The following GYG1 variants were observed in gnomAD, a reference collection of about 807,000 sequenced individuals.
GYG1 encodes glycogenin 1, also known as glycogenin-1.
A neutral mutation model predicts 41.9 loss-of-function variants in GYG1; 44 were observed. That is an observed-to-expected ratio of 1.05 (90% confidence interval 0.83 to 1.35). The LOEUF is 1.35. GYG1 is among the 40% of genes most tolerant of loss of function. The pLI, the probability that GYG1 is intolerant of heterozygous loss-of-function variation, is 0.00. For synonymous variants in GYG1, 141 were observed against 158.1 expected, an observed-to-expected ratio of 0.89 and a Z score of 0.81; for missense variants, 429 against 418.9, an observed-to-expected ratio of 1.02 and a Z score of -0.21.
chr3:149,017,484 G>A (rs934293386), intron 5 of GYG1, among the ~76,000 whole-genome samples: 1 of 150,708 alleles, frequency 6.6e-6, no homozygotes, highest in African/African-American at 2.4e-5. Context: ...CTTACTCTGG[G>A]TTGAGGTCAG....
chr3:149,013,835 G>A (rs1324601182), intron 5 of GYG1, among the ~76,000 whole-genome samples: 1 of 152,164 alleles, frequency 6.6e-6, no homozygotes, highest in Non-Finnish European at 1.5e-5. Flanking sequence ...ATTGTTATTG[G>A]AAGCCGTAGT....
chr3:148,996,455 A>G lies in GYG1; in HGVS notation c.297A>G (p.Val99=). Residue 99 remains valine (V), a synonymous_variant, in exon 3 of 8, where the codon GTA becomes GTG. Coordinates refer to ENST00000345003, the MANE Select transcript of GYG1 (RefSeq NM_004130.4). ...CGCTTACACAGTATTCAAAATGTGT[A>G]TTCATGGATGCAGATACTCTGGTGA... ...CWSLTQYSKC[V]FMDADTLVLA... 1 of 1,613,996 alleles carries G rather than the reference A, an allele frequency of 6.2e-7. No homozygotes were observed. The highest frequency in any genetic ancestry group is 8.5e-7 in the Non-Finnish European group (1 of 1,179,892).
At chr3:149,025,759 A>G (rs193195915) in intron 6 of GYG1, among the ~76,000 whole-genome samples, 16 of 152,312 alleles carry the variant, frequency 1.1e-4, no homozygotes, top group Middle Eastern at 3.4e-3. Context: ...GAGATGGACT[A>G]TGCTTAAAAG....
chr3:148,991,749 A>G, intron 1 of GYG1, 102 bp downstream of exon 1: 1 of 985,468 alleles, frequency 1.0e-6, no homozygotes, highest in Non-Finnish European at 1.5e-6. Context: ...TGTTCCCGGC[A>G]GGACGAAACC....
chr3:149,008,959 TCCAG>T (rs1227567715), intron 4 of GYG1: 2 of 288,216 alleles, frequency 6.9e-6, no homozygotes, highest in Admixed American at 9.8e-5. Flanking sequence ...GGGGTTCGAG[TCCAG>T]CCTGGCCAAC....
intron 3 of GYG1, 91 bp from the exon 4 acceptor site, chr3:148,996,651 C>G: frequency 7.5e-7 from 1 of 1,332,952 alleles, no homozygotes; most frequent in Non-Finnish European, 1.1e-6. Context: ...CAGCTGTCAC[C>G]ATCTTTTGTG....
chr3:149,009,448 G>T (rs770546452), intron 5 of GYG1, 46 bp downstream of exon 5: 12 of 1,595,232 alleles, frequency 7.5e-6, no homozygotes, highest in Non-Finnish European at 1.0e-5. Context: ...TGAGGGCAGA[G>T]AATTGGGGTG....
intron 5 of GYG1, among the ~76,000 whole-genome samples, chr3:149,016,269 A>C (rs1450869953): frequency 3.4e-4 from 52 of 151,026 alleles, no homozygotes; most frequent in African/African-American, 1.2e-3. Context: ...TCAAAAAAAA[A>C]AAAAAAACAA....
intron 5 of GYG1, among the ~76,000 whole-genome samples, chr3:149,018,648 C>T (rs901734181): frequency 1.3e-5 from 2 of 152,160 alleles, no homozygotes; most frequent in African/African-American, 4.8e-5. Context: ...TGGTCTAAAC[C>T]TTCCGTGTTC....
Position 148,997,054 on chromosome 3 carries a change from TTGTGTGTGTGTGTG to T in GYG1, c.481+166_481+179del, listed in dbSNP as rs10571382. 595 of 606,854 alleles carry T rather than the reference TTGTGTGTGTGTGTG, an allele frequency of 9.8e-4. 7 individuals are homozygous for T. The Middle Eastern group carries it at 0.018, about 19-fold the overall frequency. 37.6% of individuals were successfully genotyped at this position (606,854 alleles called of 1,614,324 possible). A position where few individuals can be genotyped will look rare whatever the true frequency, so the allele number is the denominator to read the frequency against. ...TTAAGTTGTGCTCTTCTGGGAAATA[TTGTGTGTGTGTGTG>T]TGTGTGTGTGTGTGTAAATGCATCT... On this transcript the variant is annotated intron_variant, in intron 4 of 7. Coordinates refer to ENST00000345003, the MANE Select transcript of GYG1 (RefSeq NM_004130.4).
intron 5 of GYG1, among the ~76,000 whole-genome samples, chr3:149,014,228 C>T (rs1030321941): frequency 6.6e-6 from 1 of 152,066 alleles, no homozygotes. Context: ...GTCATTCTGA[C>T]CTCATCCGAA....
intron 4 of GYG1, 60 bp downstream of exon 4, chr3:148,996,964 C>T: frequency 4.0e-6 from 5 of 1,246,084 alleles, no homozygotes; most frequent in Non-Finnish European, 5.9e-6. Context: ...AGGGGCTGCT[C>T]TTCTCAGGAA....
intron 4 of GYG1, among the ~76,000 whole-genome samples, chr3:148,998,779 A>C (rs112218856): frequency 1.9e-4 from 29 of 152,326 alleles, no homozygotes; most frequent in African/African-American, 6.3e-4. Context: ...TTATACTGAA[A>C]GTTACCTTTG....
rs1380250947 is a variant in GYG1, at chr3:149,029,843, T to C, written c.*2910T>C. On this transcript the variant is annotated 3_prime_UTR_variant, in exon 8 of 8. Transcript: ENST00000345003. ...TGATTAAGAGTGCTATCTGTGTATA[T>C]ATAGGTATTATCACAACTCCTTTTT... is the stretch of plus-strand genomic sequence containing the variant. Among the ~76,000 whole-genome samples, 1 of 152,220 alleles carries C rather than the reference T, an allele frequency of 6.6e-6. No individual in the cohort carries two copies. The highest frequency in any genetic ancestry group is 1.9e-4 in the East Asian group (1 of 5,200).
intron 4 of GYG1, 135 bp from the exon 5 acceptor site, chr3:149,009,141 A>G: frequency 6.1e-6 from 4 of 650,864 alleles, no homozygotes; most frequent in Non-Finnish European, 7.7e-6. Context: ...CTTGGGTGAC[A>G]GAGCGAGACT....
chr3:149,009,526 C>T, intron 5 of GYG1, 124 bp downstream of exon 5: 1 of 1,010,360 alleles, frequency 9.9e-7, no homozygotes, highest in Non-Finnish European at 1.6e-6. Context: ...AGGAAAGTTT[C>T]TCTTGTAAGA....
chr3:149,013,432 C>G (rs1298294717), intron 5 of GYG1, among the ~76,000 whole-genome samples: 1 of 152,108 alleles, frequency 6.6e-6, no homozygotes, highest in Admixed American at 6.6e-5. Flanking sequence ...CACCTTAAAG[C>G]AGAGAGACAG....
chr3:148,994,117 G>A (rs1486637846), intron 1 of GYG1, 25 bp from the exon 2 acceptor site: 2 of 1,603,752 alleles, frequency 1.2e-6, no homozygotes, highest in Non-Finnish European at 1.7e-6. Flanking sequence ...ACTGTAATGA[G>A]TGTTTTTTTT....
chr3:149,024,172 CAG>C lies in GYG1; in HGVS notation c.731_732del (p.Glu244ValfsTer48), dbSNP rs1345841272. On this transcript the variant is annotated frameshift_variant, in exon 6 of 8. Coordinates refer to ENST00000345003, the MANE Select transcript of GYG1 (RefSeq NM_004130.4). LOFTEE classifies it high-confidence loss of function. ...GCCCATGATCCCAACATGACTCATC[CAG>C]AGTTTCTCATCCTGTGGTGGAACAT... The C allele has an allele frequency of 6.2e-7, 1 of 1,613,380 alleles. No homozygotes were observed. The highest frequency in any genetic ancestry group is 2.2e-5 in the East Asian group (1 of 44,876).
Sources: allele counts gnomAD v4.1 joint callset (sites outside exome capture counted in the v4.1 genomes callset), GRCh38; gene constraint gnomAD v4.1.1; transcripts MANE v1.5; gene names NCBI Gene and HGNC (gene_info 2026-07-23, HGNC 2026-07-21).